The following COL4A6 variants were observed in gnomAD, a reference collection of about 807,000 sequenced individuals.
COL4A6 encodes the protein collagen alpha-6(IV) chain.
COL4A6 carries 59 observed loss-of-function variants against 126.7 expected under a neutral mutation model. The ratio of observed to expected loss-of-function variants is 0.47; its 90% CI spans 0.38 to 0.58. COL4A6 has a LOEUF of 0.58. Ranked by LOEUF, COL4A6 falls within the 20% of genes least tolerant of loss-of-function variation. The probability of loss-of-function intolerance (pLI) is 0.00; values close to 1 mark genes in which losing one functional copy is unlikely to be tolerated. For synonymous variants in COL4A6, 547 were observed against 496.6 expected, an observed-to-expected ratio of 1.10 and a Z score of -1.35; for missense variants, 1,285 against 1,337.3, an observed-to-expected ratio of 0.96 and a Z score of 0.61.
chrX:108,183,340 A>G (rs1037043837), intron 23 of COL4A6, among the ~76,000 whole-genome samples: 8 of 112,299 alleles, frequency 7.1e-5, no homozygotes, highest in South Asian at 3.8e-4. Flanking sequence ...TTCTGGGCCC[A>G]ATGAATAAAG....
At chrX:108,254,473 G>C (rs1245394045) in intron 3 of COL4A6, among the ~76,000 whole-genome samples, 1 of 111,473 alleles carries the variant, frequency 9.0e-6, no homozygotes, top group Non-Finnish European at 1.9e-5. Context: ...AGTTGCAGTT[G>C]ACATCAGGGA....
chrX:108,372,358 T>C (rs971911035), intron 2 of COL4A6, among the ~76,000 whole-genome samples: 1 of 111,661 alleles, frequency 9.0e-6, no homozygotes, highest in African/African-American at 3.3e-5. Flanking sequence ...AGGCCCCCAA[T>C]AAGCCCCTGT....
chrX:108,435,627 T>C (rs1354265488), intron 2 of COL4A6, among the ~76,000 whole-genome samples: 1 of 112,171 alleles, frequency 8.9e-6, no homozygotes, highest in Non-Finnish European at 1.9e-5. Context: ...ATGAAGATCA[T>C]TACTCCTTTA....
At chrX:108,170,150 T>C in intron 35 of COL4A6, 134 bp from the exon 36 acceptor site, 1 of 531,472 alleles carries the variant, frequency 1.9e-6, no homozygotes, top group South Asian at 3.0e-5. Flanking sequence ...GGCATTTACT[T>C]AATGCCCTAA....
intron 2 of COL4A6, among the ~76,000 whole-genome samples, chrX:108,390,106 T>C (rs910538584): frequency 1.8e-5 from 2 of 112,126 alleles, no homozygotes; most frequent in Non-Finnish European, 3.8e-5. Flanking sequence ...CCACTTTTAG[T>C]CTGAAGGGGT....
At chrX:108,413,129 T>TA in intron 2 of COL4A6, among the ~76,000 whole-genome samples, 1 of 112,164 alleles carries the variant, frequency 8.9e-6, no homozygotes, top group South Asian at 3.7e-4. Flanking sequence ...TAATATGAAG[T>TA]AAAAAGGCTT....
chrX:108,274,402 C>T (rs920123542), intron 3 of COL4A6, among the ~76,000 whole-genome samples: 10 of 111,305 alleles, frequency 9.0e-5, no homozygotes, highest in African/African-American at 2.0e-4. Flanking sequence ...ACTGGCTCTG[C>T]GATGATCAGG....
At chrX:108,269,060 C>A (rs971103795) in intron 3 of COL4A6, 2 of 331,489 alleles carry the variant, frequency 6.0e-6, no homozygotes, top group Non-Finnish European at 1.2e-5. Flanking sequence ...TGTGGCTGAG[C>A]CACATTACCC....
At chrX:108,206,970 G>C (rs1395211076) in intron 8 of COL4A6, among the ~76,000 whole-genome samples, 1 of 111,318 alleles carries the variant, frequency 9.0e-6, no homozygotes, top group African/African-American at 3.3e-5. Context: ...AGATTGACAG[G>C]GAATGAGCAG....
At chrX:108,351,440 C>CTGTGTGTGTGTGTGTGTGTGTG in intron 2 of COL4A6, among the ~76,000 whole-genome samples, 1 of 97,915 alleles carries the variant, frequency 1.0e-5, no homozygotes, top group East Asian at 3.7e-4. Context: ...AACTCTCTCT[C>CTGTGTGTGTGTGTGTGTGTGTG]TCTGTGTGTG....
rs183569177 is a variant in COL4A6 at position 108,437,960 on chromosome X, G to A, written c.45C>T (p.Thr15=). ...LWLLLVTLCL[T]EELAAAGEKS... is the part of the protein sequence containing the mutation. ...GACTCACCGCTGCTGCCAGTTCCTC[G>A]GTCAGGCACAACGTAACCAGGAGCA... Residue 15 remains threonine, a synonymous_variant, in exon 2 of 45, where the codon ACC becomes ACT. Transcript: ENST00000334504. The A allele has an allele frequency of 1.2e-5, 14 of 1,211,108 alleles. No homozygotes were observed. Among genetic ancestry groups the A allele is most frequent in the Non-Finnish European group, 1.6e-5 (14 of 895,252 alleles).
intron 3 of COL4A6, among the ~76,000 whole-genome samples, chrX:108,284,334 T>C (rs1438116432): frequency 9.1e-6 from 1 of 109,739 alleles, no homozygotes; most frequent in Admixed American, 9.7e-5. Context: ...GGGGGAGGGA[T>C]AGCATTAGGA....
At chrX:108,200,536 T>C (rs1350040104) in intron 13 of COL4A6, among the ~76,000 whole-genome samples, 1 of 111,435 alleles carries the variant, frequency 9.0e-6, no homozygotes, top group Non-Finnish European at 1.9e-5. Flanking sequence ...ATGCAGAAAC[T>C]AAAAAAATTT....
In COL4A6 at chrX:108,177,026, G is replaced by A; in HGVS notation, c.2516-15C>T. 1 of 1,203,431 alleles carries A rather than the reference G, an allele frequency of 8.3e-7. No individual in the cohort carries two copies. Among genetic ancestry groups the A allele is most frequent in the Admixed American group, 2.2e-5 (1 of 45,684 alleles). On this transcript the variant is annotated splice_polypyrimidine_tract_variant and intron_variant, in intron 27 of 44. Coordinates refer to ENST00000334504, the MANE Select transcript of COL4A6 (RefSeq NM_033641.4). ...TCCAGGATGTCCTGAATAAGCACAG[G>A]AGAGAACACAGGACAGCTGTCAAGT... is the stretch of plus-strand genomic sequence containing the variant.
chrX:108,167,526 G>C (rs761153896), intron 37 of COL4A6, among the ~76,000 whole-genome samples: 14 of 110,685 alleles, frequency 1.3e-4, no homozygotes, highest in Non-Finnish European at 2.3e-4. Flanking sequence ...TGTAGAAACA[G>C]GGTTTTACCA....
rs1369336796 is a variant in COL4A6 at position 108,159,490 on chromosome X, C to T, written c.4784G>A (p.Ser1595Asn). Residue 1595 changes from serine (S) to asparagine (N), a missense_variant, in exon 44 of 45, where the codon AGC becomes AAC. Coordinates refer to ENST00000334504, the MANE Select transcript of COL4A6 (RefSeq NM_033641.4). The part of the protein sequence containing the change: ...TIPQCPLGWR[S>N]LWIGYSFLMH... ...GAGGAAAGAGTACCCAATCCAGAGG[C>T]TGCGCCAGCCCAGGGGGCACTGCGG... 1.6e-6 allele frequency: 2 copies of T among 1,212,239 alleles called. No individual in the cohort carries two copies. The highest frequency in any genetic ancestry group is 3.5e-5 in the South Asian group (2 of 57,020).
chrX:108,213,255 A>C (rs2035763033), intron 6 of COL4A6, among the ~76,000 whole-genome samples: 1 of 112,477 alleles, frequency 8.9e-6, no homozygotes, highest in African/African-American at 3.2e-5. Flanking sequence ...CTAGTTAAAT[A>C]TCTCAGATCA....
At chrX:108,358,594 C>T (rs756395975) in intron 2 of COL4A6, among the ~76,000 whole-genome samples, 6 of 110,701 alleles carry the variant, frequency 5.4e-5, no homozygotes, top group Non-Finnish European at 1.1e-4. Context: ...GGGGTTTCTT[C>T]ACGTTGGCCA....
At chrX:108,272,414 A>G (rs1033143675) in intron 3 of COL4A6, among the ~76,000 whole-genome samples, 9 of 111,645 alleles carry the variant, frequency 8.1e-5, no homozygotes, top group African/African-American at 2.3e-4. Context: ...TAGAACACTG[A>G]TTCTCACTTT....
Sources: allele counts gnomAD v4.1 joint callset (sites outside exome capture counted in the v4.1 genomes callset), GRCh38; gene constraint gnomAD v4.1.1; transcripts MANE v1.5; gene names NCBI Gene and HGNC (gene_info 2026-07-23, HGNC 2026-07-21).